Variants in SAMMSON observed in about 807,000 individuals in gnomAD.
The protein encoded by SAMMSON is long intergenic non-protein coding RNA 1212.
intron 6 of SAMMSON, among the ~76,000 whole-genome samples, chr3:70,280,481 C>G (rs1039338018): frequency 6.6e-6 from 1 of 152,152 alleles, no homozygotes; most frequent in Non-Finnish European, 1.5e-5. Context: ...AATACTTTCA[C>G]CCTTGCCTCA....
At position 70,124,457 on chromosome 3, in the gene SAMMSON, TA is replaced by T. The variant is rs1190871741; in HGVS notation, n.507+52894del. ...ATATACAAAAAATTTCCAAGTGTTA[TA>T]ATGTTAGTTGATAACATTTTTACCT... On this transcript the variant is annotated intron_variant and non_coding_transcript_variant, in intron 4 of 9. Coordinates refer to ENST00000642114, the Ensembl canonical transcript of SAMMSON. 3.9e-5 allele frequency among the ~76,000 whole-genome samples: 6 copies of T among 152,338 alleles called. No individual in the cohort carries two copies. The East Asian group carries it at 9.6e-4, about 24-fold the overall frequency.
chr3:70,328,900 C>T (rs1278309122), intron 7 of SAMMSON, among the ~76,000 whole-genome samples: 1 of 151,980 alleles, frequency 6.6e-6, no homozygotes, highest in African/African-American at 2.4e-5. Flanking sequence ...TCGTACTAAA[C>T]AGAAAAATCT....
chr3:70,051,134 CAAAAAAAAAAA>C (rs71126477), intron 3 of SAMMSON, among the ~76,000 whole-genome samples: 2 of 45,234 alleles, frequency 4.4e-5, no homozygotes, highest in Admixed American at 3.7e-4. Flanking sequence ...TACTCCATCT[CAAAAAAAAAAA>C]AAAAAAAAAA....
chr3:70,199,516 G>A (rs1387530026), intron 4 of SAMMSON, among the ~76,000 whole-genome samples: 1 of 152,104 alleles, frequency 6.6e-6, no homozygotes, highest in Non-Finnish European at 1.5e-5. Flanking sequence ...TTAAAAGGCA[G>A]AGTCTCTTGC....
In SAMMSON at chr3:70,203,074, A is replaced by G. The variant is rs77690895; in HGVS notation, n.508-46033A>G. Among the ~76,000 whole-genome samples the G allele has an allele frequency of 8.3e-3, 1,259 of 151,908 alleles. 102 individuals carry two copies. The East Asian group carries it at 0.19, about 22-fold the overall frequency. On this transcript the variant is annotated intron_variant and non_coding_transcript_variant, in intron 4 of 9. Coordinates refer to ENST00000642114, the Ensembl canonical transcript of SAMMSON. Reference sequence around the variant, plus strand: ...AAGCATTTCTGAGCTGCTGAAGCACACCTCCTGCTACCCCAGGACTCCTTA... The same window carrying G: ...AAGCATTTCTGAGCTGCTGAAGCACGCCTCCTGCTACCCCAGGACTCCTTA...
At chr3:70,061,531 G>C (rs2107591991) in intron 3 of SAMMSON, among the ~76,000 whole-genome samples, 1 of 152,198 alleles carries the variant, frequency 6.6e-6, no homozygotes, top group Non-Finnish European at 1.5e-5. Context: ...TTTCTGCATG[G>C]GCAAAGCCTG....
At chr3:70,421,733 C>T (rs960894931) in intron 2 of SAMMSON, among the ~76,000 whole-genome samples, 3 of 152,208 alleles carry the variant, frequency 2.0e-5, no homozygotes, top group Admixed American at 1.3e-4. Flanking sequence ...TTATCTTCAT[C>T]AGTGGGTTAA....
At chr3:70,364,991 T>C (rs1702909376) in intron 9 of SAMMSON, among the ~76,000 whole-genome samples, 1 of 151,834 alleles carries the variant, frequency 6.6e-6, no homozygotes. Flanking sequence ...ATTATTTTTT[T>C]TTCTGGGATA....
intron 7 of SAMMSON, among the ~76,000 whole-genome samples, chr3:70,308,196 G>A (rs957915661): frequency 1.3e-5 from 2 of 152,018 alleles, no homozygotes; most frequent in African/African-American, 4.8e-5. Flanking sequence ...GACTATAGGG[G>A]TATGCCATTA....
chr3:70,420,550 A>G (rs1200291009), intron 2 of SAMMSON, among the ~76,000 whole-genome samples: 1 of 152,240 alleles, frequency 6.6e-6, no homozygotes. Flanking sequence ...ATGCAATCTT[A>G]ATGATTAGAA....
At chr3:70,196,784 A>G (rs1229419431) in intron 4 of SAMMSON, 6 of 396,484 alleles carry the variant, frequency 1.5e-5, no homozygotes, top group Non-Finnish European at 2.7e-5. Context: ...TAGCTTTCCT[A>G]GACAGGTGCA....
At chr3:70,338,245 C>T (rs938420963) in intron 7 of SAMMSON, among the ~76,000 whole-genome samples, 2 of 151,886 alleles carry the variant, frequency 1.3e-5, no homozygotes, top group African/African-American at 2.4e-5. Flanking sequence ...TAATTAGATA[C>T]AGATATCTTT....
intron 4 of SAMMSON, among the ~76,000 whole-genome samples, chr3:70,238,454 A>C: frequency 6.6e-6 from 1 of 152,110 alleles, no homozygotes; most frequent in African/African-American, 2.4e-5. Flanking sequence ...CAAAATAAAT[A>C]AATAAATAAT....
intron 4 of SAMMSON, among the ~76,000 whole-genome samples, chr3:70,109,678 G>C (rs2067380656): frequency 6.6e-6 from 1 of 152,176 alleles, no homozygotes; most frequent in African/African-American, 2.4e-5. Flanking sequence ...CCACGTTTCA[G>C]ATGAAGAAAA....
chr3:70,110,513 A>G (rs1217536730), intron 4 of SAMMSON, among the ~76,000 whole-genome samples: 3 of 152,188 alleles, frequency 2.0e-5, no homozygotes, highest in African/African-American at 7.2e-5. Context: ...CTAGAATCAG[A>G]AACTGGTCCA....
chr3:70,109,315 C>T (rs935801941), intron 4 of SAMMSON, among the ~76,000 whole-genome samples: 4 of 151,870 alleles, frequency 2.6e-5, no homozygotes, highest in Admixed American at 6.6e-5. Flanking sequence ...CTACCATTCC[C>T]GGAGCTCTCC....
At chr3:70,397,584 T>C (rs9828932) in intron 2 of SAMMSON, among the ~76,000 whole-genome samples, 104,648 of 152,132 alleles carry the variant, frequency 0.69, 36,152 homozygotes, top group Non-Finnish European at 0.71. Flanking sequence ...ATTAACAATA[T>C]GTGTGTGTGA....
chr3:70,149,291 G>A (rs1428629828), intron 4 of SAMMSON, among the ~76,000 whole-genome samples: 1 of 152,032 alleles, frequency 6.6e-6, no homozygotes, highest in Non-Finnish European at 1.5e-5. Context: ...TGGTCTGTTA[G>A]GGGACAAAGC....
chr3:70,343,928 TTTATA>T (rs1235557109), intron 7 of SAMMSON, among the ~76,000 whole-genome samples: 1 of 150,258 alleles, frequency 6.7e-6, no homozygotes, highest in Non-Finnish European at 1.5e-5. Context: ...ATAATATAAT[TTTATA>T]TTATTTTATT....
Sources: allele counts gnomAD v4.1 joint callset (sites outside exome capture counted in the v4.1 genomes callset), GRCh38; gene constraint gnomAD v4.1.1; transcripts MANE v1.5; gene names NCBI Gene and HGNC (gene_info 2026-07-23, HGNC 2026-07-21).